CNTN5: variants seen among roughly 807,000 people sequenced by gnomAD.
CNTN5 encodes contactin 5.
A neutral mutation model predicts 129.1 loss-of-function variants in CNTN5; 77 were observed. That is an observed-to-expected ratio of 0.60 (90% confidence interval 0.50 to 0.72). The LOEUF is 0.72. Among genes scored for constraint, CNTN5 ranks in the 30% least tolerant of loss-of-function variants. The pLI, the probability that CNTN5 is intolerant of heterozygous loss-of-function variation, is 0.00. For synonymous variants in CNTN5, 509 were observed against 465.6 expected (o/e 1.09, Z -1.20); for missense variants, 1,478 against 1,328.8 (o/e 1.11, Z -1.75).
chr11:99,195,428 C>CAAAATTTATT, intron 1 of CNTN5, among the ~76,000 whole-genome samples: 1 of 152,120 alleles, frequency 6.6e-6, no homozygotes, highest in South Asian at 2.1e-4. Flanking sequence ...CTTTATTTTT[C>CAAAATTTATT]AAAATTTATT....
chr11:99,939,617 A>G (rs1950390594), intron 7 of CNTN5, among the ~76,000 whole-genome samples: 1 of 135,170 alleles, frequency 7.4e-6, no homozygotes, highest in Admixed American at 7.7e-5. Flanking sequence ...TAGTCAACCA[A>G]ATATTTATTT....
chr11:100,014,250 G>C (rs1174494214), intron 9 of CNTN5, among the ~76,000 whole-genome samples: 3 of 152,036 alleles, frequency 2.0e-5, no homozygotes, highest in Non-Finnish European at 2.9e-5. Flanking sequence ...GCAGCCCTCT[G>C]CATAACAGCA....
intron 18 of CNTN5, among the ~76,000 whole-genome samples, chr11:100,286,437 G>A (rs1351072758): frequency 6.6e-6 from 1 of 151,302 alleles, no homozygotes; most frequent in Non-Finnish European, 1.5e-5. Flanking sequence ...TCCTCAAGTG[G>A]GTCCCTGACC....
At chr11:99,318,087 T>C (rs1865420884) in intron 1 of CNTN5, among the ~76,000 whole-genome samples, 1 of 152,202 alleles carries the variant, frequency 6.6e-6, no homozygotes, top group African/African-American at 2.4e-5. Flanking sequence ...GAAAAGATTT[T>C]TAAACAGCAT....
intron 1 of CNTN5, among the ~76,000 whole-genome samples, chr11:99,087,453 A>T (rs1866049209): frequency 1.3e-5 from 2 of 152,210 alleles, no homozygotes; most frequent in Admixed American, 1.3e-4. Context: ...AGGTACTGAG[A>T]TTTTTGTGAT....
At chr11:99,990,453 T>TACACACAC (rs550501632) in intron 8 of CNTN5, among the ~76,000 whole-genome samples, 1,914 of 144,034 alleles carry the variant, frequency 0.013, 23 homozygotes, top group Middle Eastern at 0.018. Context: ...AATATATATA[T>TACACACAC]ATACACACAC....
intron 3 of CNTN5, among the ~76,000 whole-genome samples, chr11:99,708,716 A>C (rs894404068): frequency 6.6e-6 from 1 of 151,706 alleles, no homozygotes; most frequent in African/African-American, 2.4e-5. Context: ...TTGCAGCTAA[A>C]GGACAAAGAG....
intron 1 of CNTN5, among the ~76,000 whole-genome samples, chr11:99,229,528 C>CAAAAA (rs72050463): frequency 2.4e-4 from 27 of 114,194 alleles, no homozygotes; most frequent in African/African-American, 3.4e-4. Flanking sequence ...CAATTTTAGA[C>CAAAAA]AAAAAAAAAA....
intron 2 of CNTN5, among the ~76,000 whole-genome samples, chr11:99,452,168 T>C (rs567723016): frequency 3.3e-5 from 5 of 152,210 alleles, no homozygotes; most frequent in African/African-American, 1.2e-4. Context: ...AATTCATTGA[T>C]ATGGTATATA....
intron 3 of CNTN5, among the ~76,000 whole-genome samples, chr11:99,799,409 T>A (rs1946046123): frequency 6.6e-6 from 1 of 152,014 alleles, no homozygotes; most frequent in South Asian, 2.1e-4. Context: ...TTTTATTATC[T>A]TGATGTATGT....
chr11:100,333,417 A>AC, intron 21 of CNTN5, among the ~76,000 whole-genome samples: 1 of 150,048 alleles, frequency 6.7e-6, no homozygotes, highest in Non-Finnish European at 1.5e-5. Context: ...AGAAAAAAAA[A>AC]AAAAAAAAAA....
At chr11:99,189,826 T>A (rs1289410001) in intron 1 of CNTN5, among the ~76,000 whole-genome samples, 1 of 151,690 alleles carries the variant, frequency 6.6e-6, no homozygotes, top group East Asian at 1.9e-4. Context: ...ATATGTATGG[T>A]TTGCACATAT....
chr11:99,250,743 T>C (rs1862056840), intron 1 of CNTN5, among the ~76,000 whole-genome samples: 1 of 151,926 alleles, frequency 6.6e-6, no homozygotes, highest in Admixed American at 6.6e-5. Context: ...TGGTCAGTTA[T>C]CTTTGGTTAT....
chr11:99,354,899 G>T (rs1171541504), intron 2 of CNTN5, among the ~76,000 whole-genome samples: 10 of 152,164 alleles, frequency 6.6e-5, no homozygotes, highest in Admixed American at 6.5e-4. Context: ...ACAATCTACA[G>T]TTTCTGGCGC....
chr11:99,666,158 G>C (rs1173598972), intron 3 of CNTN5, among the ~76,000 whole-genome samples: 5 of 152,106 alleles, frequency 3.3e-5, no homozygotes, highest in South Asian at 2.1e-4. Flanking sequence ...AGTGGTGACA[G>C]GGCTTCACCA....
At position 99,703,004 on chromosome 11, in the gene CNTN5, G is replaced by A. The variant is rs962748554; in HGVS notation, c.56-116540G>A. ...CGATACACTGAGGGAATGTATAAAC[G>A]TCGCATGAAGATGTATAGGATGTTT... On this transcript the variant is annotated intron_variant, in intron 3 of 24. Transcript: ENST00000524871. 5.3e-5 allele frequency among the ~76,000 whole-genome samples: 8 copies of A among 150,746 alleles called. No homozygotes were observed. In the East Asian group the frequency reaches 1.2e-3, roughly 22 times the overall value.
chr11:100,180,708 A>C (rs1948112581), intron 13 of CNTN5, among the ~76,000 whole-genome samples: 1 of 151,978 alleles, frequency 6.6e-6, no homozygotes, highest in Admixed American at 6.6e-5. Context: ...GACTGGCAGA[A>C]AATGCTTTCA....
intron 2 of CNTN5, among the ~76,000 whole-genome samples, chr11:99,478,291 G>T (rs928680736): frequency 6.6e-6 from 1 of 152,102 alleles, no homozygotes; most frequent in African/African-American, 2.4e-5. Context: ...TGGCTGTTGG[G>T]AGGATTCAGT....
At chr11:100,174,929 A>T (rs1038538007) in intron 13 of CNTN5, among the ~76,000 whole-genome samples, 1 of 152,102 alleles carries the variant, frequency 6.6e-6, no homozygotes, top group Non-Finnish European at 1.5e-5. Flanking sequence ...TCTTCCTTCC[A>T]GCTAAACTTT....
Sources: allele counts gnomAD v4.1 joint callset (sites outside exome capture counted in the v4.1 genomes callset), GRCh38; gene constraint gnomAD v4.1.1; transcripts MANE v1.5; gene names NCBI Gene and HGNC (gene_info 2026-07-23, HGNC 2026-07-21).